SLC8A1: variants seen among roughly 807,000 people sequenced by gnomAD.
SLC8A1 encodes the protein sodium/calcium exchanger 1.
A neutral mutation model predicts 68.3 loss-of-function variants in SLC8A1; 18 were observed. That is an observed-to-expected ratio of 0.26 (90% CI 0.18 to 0.39). SLC8A1 has a LOEUF of 0.39. Ranked by LOEUF, SLC8A1 falls within the 10% of genes least tolerant of loss-of-function variation. SLC8A1 has a pLI of 1.00. For synonymous variants in SLC8A1, 475 were observed against 415.5 expected (o/e 1.14, Z -1.74); for missense variants, 985 against 1,156.7 (o/e 0.85, Z 2.15).
chr2:40,130,361 C>A (rs139787606), intron 7 of SLC8A1, among the ~76,000 whole-genome samples: 1 of 152,222 alleles, frequency 6.6e-6, no homozygotes, highest in African/African-American at 2.4e-5. Context: ...TTGCAGGCTT[C>A]CTTTAACTCT....
intron 2 of SLC8A1, among the ~76,000 whole-genome samples, chr2:40,253,007 A>G (rs999323526): frequency 7.6e-6 from 1 of 131,102 alleles, no homozygotes; most frequent in Admixed American, 8.2e-5. Flanking sequence ...ATACATATAT[A>G]TGTATCTGTA....
Position 40,368,216 on chromosome 2 carries a change from T to A in SLC8A1, c.1808+60257A>T, listed in dbSNP as rs552254593. On this transcript the variant is annotated intron_variant, in intron 2 of 7. Transcript: ENST00000406785. Reference sequence around the variant, plus strand: ...TGATGGTGAACCAGTTATCAAAACTTTTTGTGGATGTCTAACTACAGAAAA... The same window carrying A: ...TGATGGTGAACCAGTTATCAAAACTATTTGTGGATGTCTAACTACAGAAAA... Among the ~76,000 whole-genome samples, 41 of 152,162 alleles carry A rather than the reference T, an allele frequency of 2.7e-4. No individual in the cohort carries two copies. In the East Asian group the frequency reaches 7.2e-3, roughly 27 times the overall value.
At chr2:40,450,982 G>T (rs938699951) in intron 1 of SLC8A1, among the ~76,000 whole-genome samples, 2 of 152,134 alleles carry the variant, frequency 1.3e-5, no homozygotes, top group Non-Finnish European at 2.9e-5. Flanking sequence ...GGGGGATAGA[G>T]AAGAGGCGGG....
exon 8 of SLC8A1, chr2:40,104,203 C>G (rs1572674058): frequency 6.6e-6 from 1 of 152,156 alleles, no homozygotes; most frequent in South Asian, 2.1e-4. Flanking sequence ...AAGATGAGAG[C>G]TGGAGTTGTA....
intron 2 of SLC8A1, among the ~76,000 whole-genome samples, chr2:40,347,591 A>G (rs2149432954): frequency 6.6e-6 from 1 of 152,348 alleles, no homozygotes; most frequent in Middle Eastern, 3.4e-3. Context: ...GGAATATTCC[A>G]TGAGAAAATC....
At chr2:40,510,364 G>A (rs985275031) in intron 1 of SLC8A1, among the ~76,000 whole-genome samples, 1 of 152,094 alleles carries the variant, frequency 6.6e-6, no homozygotes, top group Non-Finnish European at 1.5e-5. Context: ...TATGCTTCTT[G>A]GATTAGTTTT....
intron 2 of SLC8A1, among the ~76,000 whole-genome samples, chr2:40,239,109 A>G (rs556697531): frequency 3.3e-5 from 5 of 152,326 alleles, no homozygotes; most frequent in Admixed American, 6.5e-5. Flanking sequence ...TTTGCCAACT[A>G]GAATCTGACT....
At chr2:40,289,553 TAAAAAAA>T (rs2068914680) in intron 2 of SLC8A1, among the ~76,000 whole-genome samples, 1 of 151,926 alleles carries the variant, frequency 6.6e-6, no homozygotes, top group Admixed American at 6.6e-5. Flanking sequence ...AAAAAGTTAT[TAAAAAAA>T]GAGGAAACAG....
chr2:40,328,230 T>C (rs1162208094), intron 2 of SLC8A1, among the ~76,000 whole-genome samples: 1 of 152,194 alleles, frequency 6.6e-6, no homozygotes, highest in Admixed American at 6.6e-5. Context: ...AAGCACTATG[T>C]GATTAAATTT....
chr2:40,253,046 T>TACATATGTATCA (rs1405415976), intron 2 of SLC8A1, among the ~76,000 whole-genome samples: 3 of 137,152 alleles, frequency 2.2e-5, no homozygotes, highest in African/African-American at 8.2e-5. Context: ...TATCAGTATA[T>TACATATGTATCA]GTATATATGT....
chr2:40,114,998 A>C, exon 8 of SLC8A1: 1 of 235,998 alleles, frequency 4.2e-6, no homozygotes, highest in East Asian at 8.2e-5. Flanking sequence ...GGATTTATCA[A>C]CCTGGAGAGA....
exon 8 of SLC8A1, chr2:40,106,277 G>A (rs1467326094): frequency 6.6e-6 from 1 of 152,202 alleles, no homozygotes; most frequent in Admixed American, 6.5e-5. Context: ...AGTGGCTCAT[G>A]CCTGTAATAC....
intron 1 of SLC8A1, chr2:40,446,425 A>G (rs1028477105): frequency 3.9e-5 from 6 of 152,242 alleles, no homozygotes; most frequent in Admixed American, 3.9e-4. Flanking sequence ...CTTGTCGTAA[A>G]TAAGCTGGGG....
At chr2:40,405,255 G>A (rs1282396798) in intron 2 of SLC8A1, among the ~76,000 whole-genome samples, 1 of 152,092 alleles carries the variant, frequency 6.6e-6, no homozygotes. Flanking sequence ...AAGATGCTAG[G>A]GCAAGAATAG....
At chr2:40,449,108 G>A (rs767647382) in intron 1 of SLC8A1, among the ~76,000 whole-genome samples, 1 of 149,664 alleles carries the variant, frequency 6.7e-6, no homozygotes, top group East Asian at 2.0e-4. Flanking sequence ...TACCTAAAAG[G>A]CATCACAAAG....
intron 2 of SLC8A1, among the ~76,000 whole-genome samples, chr2:40,413,680 T>C (rs937757928): frequency 6.6e-6 from 1 of 152,144 alleles, no homozygotes. Context: ...ACATATAATA[T>C]CACTGCACAG....
intron 2 of SLC8A1, among the ~76,000 whole-genome samples, chr2:40,390,118 A>G (rs999454446): frequency 1.3e-5 from 2 of 152,098 alleles, no homozygotes; most frequent in African/African-American, 4.8e-5. Flanking sequence ...TTTACTAGAA[A>G]ATCTGGATTA....
At chr2:40,115,741 G>T in intron 7 of SLC8A1, 112 bp from the exon 11 acceptor site, 1 of 1,389,074 alleles carries the variant, frequency 7.2e-7, no homozygotes, top group South Asian at 1.4e-5. Context: ...TAAACCCAGT[G>T]ACCAAGAAAT....
chr2:40,153,658 C>T (rs2043876784), intron 6 of SLC8A1, among the ~76,000 whole-genome samples: 1 of 152,170 alleles, frequency 6.6e-6, no homozygotes. Flanking sequence ...AATAATATCA[C>T]AGAGAAAGAG....
Sources: gnomAD v4.1 joint callset for allele counts (sites outside exome capture counted in the v4.1 genomes callset) on GRCh38, gnomAD v4.1.1 for gene constraint, MANE v1.5 for transcripts, NCBI Gene and HGNC (gene_info 2026-07-23, HGNC 2026-07-21) for gene names.